The following ZYG11B variants were observed in gnomAD, a reference collection of about 807,000 sequenced individuals.
The protein encoded by ZYG11B is zyg-11 family member B, cell cycle regulator, also known as protein zyg-11 homolog B.
A neutral mutation model predicts 82.4 loss-of-function variants in ZYG11B; 36 were observed. That is an observed-to-expected ratio of 0.44 (90% CI 0.33 to 0.58). The LOEUF is 0.58. ZYG11B is among the 20% of genes least tolerant of loss of function. ZYG11B has a pLI of 0.02. For synonymous variants in ZYG11B, 303 were observed against 312.8 expected, an observed-to-expected ratio of 0.97 and a Z score of 0.33; for missense variants, 552 against 895.6, an observed-to-expected ratio of 0.62 and a Z score of 4.90.
chr1:52,739,010 C>A (rs181727989), intron 1 of ZYG11B, among the ~76,000 whole-genome samples: 42 of 58,780 alleles, frequency 7.1e-4, no homozygotes, highest in African/African-American at 3.8e-3. Flanking sequence ...GAGACAGAGT[C>A]TCACTGTATC....
chr1:52,772,785 C>T (rs1644766486), intron 3 of ZYG11B: 6 of 561,906 alleles, frequency 1.1e-5, no homozygotes, highest in South Asian at 1.0e-4. Flanking sequence ...TCACGCCATT[C>T]TTCTGCCTCA....
intron 10 of ZYG11B, among the ~76,000 whole-genome samples, chr1:52,812,434 G>A (rs1237503771): frequency 6.6e-6 from 1 of 151,866 alleles, no homozygotes; most frequent in Non-Finnish European, 1.5e-5. Flanking sequence ...ACGGAGTCTC[G>A]CTCTGTTGCC....
intron 13 of ZYG11B, among the ~76,000 whole-genome samples, chr1:52,817,816 T>TATATATAA (rs1160186535): frequency 1.2e-4 from 1 of 8,118 alleles, no homozygotes; most frequent in Non-Finnish European, 3.2e-4. Context: ...TATATATATA[T>TATATATAA]TTTTTTTTTT....
At chr1:52,803,239 TACACACACAC>T (rs764253745) in intron 10 of ZYG11B, among the ~76,000 whole-genome samples, 15 of 60,606 alleles carry the variant, frequency 2.5e-4, no homozygotes, top group Admixed American at 1.0e-3. Context: ...CATATATATA[TACACACACAC>T]ATATATATAT....
chr1:52,821,594 C>G lies in ZYG11B; in HGVS notation c.2200C>G (p.Pro734Ala). The change falls in exon 14 of 14, where the codon CCC becomes GCC. Residue 734 changes from proline (P) to alanine (A), a missense_variant. This residue lies in a region of ZYG11B where 127 missense variants were observed against 163.4 expected (regional missense o/e 0.78). Transcript: ENST00000294353. ...KHIVRHGRPPPCKKQPQARLN is the reference protein window; with the variant it reads ...KHIVRHGRPPACKKQPQARLN ...CATTGTGCGCCATGGGAGGCCACCT[C>G]CCTGTAAAAAACAGCCCCAAGCCAG... The G allele has an allele frequency of 6.2e-7, 1 of 1,613,678 alleles. No individual in the cohort carries two copies.
intron 1 of ZYG11B, among the ~76,000 whole-genome samples, chr1:52,729,706 G>T (rs1289898146): frequency 2.0e-5 from 3 of 152,180 alleles, no homozygotes; most frequent in Non-Finnish European, 4.4e-5. Flanking sequence ...TGGGTGTGGT[G>T]GCACATGCCT....
intron 2 of ZYG11B, 30 bp from the exon 3 acceptor site, chr1:52,770,990 G>T (rs1352775792): frequency 6.4e-7 from 1 of 1,567,108 alleles, no homozygotes; most frequent in Admixed American, 1.9e-5. Context: ...ACTGTTTTTT[G>T]AATTTAAAAC....
intron 1 of ZYG11B, among the ~76,000 whole-genome samples, chr1:52,746,182 G>A (rs1188159646): frequency 6.6e-6 from 1 of 151,402 alleles, no homozygotes; most frequent in East Asian, 2.0e-4. Context: ...GGATGGTCTC[G>A]ACCTCGTGAT....
intron 10 of ZYG11B, among the ~76,000 whole-genome samples, chr1:52,811,963 G>A (rs1255928271): frequency 3.3e-5 from 5 of 152,012 alleles, no homozygotes; most frequent in Admixed American, 6.6e-5. Flanking sequence ...CCTGGGAGGC[G>A]GAGCTTGCAG....
At chr1:52,789,160 A>G (rs112703622) in intron 5 of ZYG11B, among the ~76,000 whole-genome samples, 262 of 152,226 alleles carry the variant, frequency 1.7e-3, no homozygotes, top group African/African-American at 5.8e-3. Context: ...CATTTCTTCT[A>G]TTATGTAATC....
intron 5 of ZYG11B, among the ~76,000 whole-genome samples, chr1:52,785,620 C>T (rs1447363207): frequency 6.6e-6 from 1 of 152,144 alleles, no homozygotes; most frequent in East Asian, 1.9e-4. Context: ...CCACACCCAA[C>T]TAATTTTTGT....
In ZYG11B at chr1:52,742,802, A is replaced by G. The variant is rs1465104987; in HGVS notation, c.31-13656A>G. On this transcript the variant is annotated intron_variant, in intron 1 of 13. Transcript: ENST00000294353. ...GCTTGCAGTGAGCCGAGATCGTGCCACTGCACTCCAGCCTGGGCGACAGAG... is the reference window on the plus strand; with the variant it reads ...GCTTGCAGTGAGCCGAGATCGTGCCGCTGCACTCCAGCCTGGGCGACAGAG... Among the ~76,000 whole-genome samples, 36 of 151,352 alleles carry G rather than the reference A, an allele frequency of 2.4e-4. No individual in the cohort carries two copies. In the South Asian group the frequency reaches 7.5e-3, roughly 31 times the overall value.
intron 3 of ZYG11B, among the ~76,000 whole-genome samples, chr1:52,778,626 C>G (rs1644828850): frequency 6.6e-6 from 1 of 152,120 alleles, no homozygotes; most frequent in South Asian, 2.1e-4. Context: ...CACTTAGTAG[C>G]TAGATCTATC....
chr1:52,801,801 TG>T lies in ZYG11B; in HGVS notation c.1486-17del. On this transcript the variant is annotated splice_polypyrimidine_tract_variant and intron_variant, in intron 8 of 13. Coordinates refer to ENST00000294353, the MANE Select transcript of ZYG11B (RefSeq NM_024646.3). ...CAGTTCAAAAGTGAAAACTTATTTC[TG>T]TTTTTTTTTTTTTCAGCAACTTCTT... 1.3e-6 allele frequency: 2 copies of T among 1,542,134 alleles called. No individual in the cohort carries two copies. The highest frequency in any genetic ancestry group is 1.2e-5 in the South Asian group (1 of 82,928).
Position 52,821,439 on chromosome 1 carries a change from C to T in ZYG11B, c.2045C>T (p.Pro682Leu). Reference sequence around the variant, plus strand: ...GTGTGTGTTTTTTTTTCTTTTTCAGCTTCAAGGTATTGCAGCATGCTGATT... The same window carrying T: ...GTGTGTGTTTTTTTTTCTTTTTCAGTTTCAAGGTATTGCAGCATGCTGATT... ...WAMQHVCSKN[P>L]SRYCSMLIEE... The change falls in exon 14 of 14, where the codon CCT becomes CTT. Residue 682 changes from proline (P) to leucine (L), a missense_variant and splice_region_variant. By Grantham distance (98) the Pro-to-Leu change is moderately conservative. Around this residue, in one of 3 missense-constraint regions of ZYG11B, gnomAD observed 127 missense variants for 163.4 expected, o/e 0.78. Coordinates refer to ENST00000294353, the MANE Select transcript of ZYG11B (RefSeq NM_024646.3). 1 of 1,524,074 alleles carries T rather than the reference C, an allele frequency of 6.6e-7. No individual in the cohort carries two copies. The highest frequency in any genetic ancestry group is 8.9e-7 in the Non-Finnish European group (1 of 1,129,928). 94.4% of individuals were successfully genotyped at this position (1,524,074 alleles called of 1,614,324 possible).
At chr1:52,785,165 G>C in intron 5 of ZYG11B, 112 bp downstream of exon 5, 1 of 1,167,830 alleles carries the variant, frequency 8.6e-7, no homozygotes, top group Non-Finnish European at 1.2e-6. Flanking sequence ...TGGAGGCTGT[G>C]GTATGACTGA....
chr1:52,807,687 C>T (rs557813849), intron 10 of ZYG11B, among the ~76,000 whole-genome samples: 13 of 151,832 alleles, frequency 8.6e-5, no homozygotes, highest in Admixed American at 2.0e-4. Flanking sequence ...GATGGGTTTT[C>T]GCCATGTTGC....
intron 5 of ZYG11B, 116 bp from the exon 6 acceptor site, chr1:52,789,887 A>T (rs1644942184): frequency 1.5e-6 from 1 of 649,022 alleles, no homozygotes; most frequent in South Asian, 3.7e-5. Flanking sequence ...AGATTGTAAG[A>T]AATAACTGGT....
chr1:52,813,322 A>G (rs1330234872), intron 10 of ZYG11B, among the ~76,000 whole-genome samples: 1 of 152,032 alleles, frequency 6.6e-6, no homozygotes, highest in East Asian at 1.9e-4. Context: ...ACCCTAAACT[A>G]TGATCTCTGT....
Sources: gnomAD v4.1 joint callset for allele counts (sites outside exome capture counted in the v4.1 genomes callset) on GRCh38, gnomAD v4.1.1 for gene constraint, gnomAD v4.1.1 regional missense constraint, MANE v1.5 for transcripts, NCBI Gene and HGNC (gene_info 2026-07-23, HGNC 2026-07-21) for gene names.